Variants in DOCK1 observed in about 807,000 individuals in gnomAD.
The protein encoded by DOCK1 is dedicator of cytokinesis 1, also known as dedicator of cytokinesis protein 1.
A neutral mutation model predicts 262.7 loss-of-function variants in DOCK1; 138 were observed. The ratio of observed to expected loss-of-function variants is 0.53; its 90% CI spans 0.46 to 0.61. The LOEUF (loss-of-function observed/expected upper bound fraction) is 0.61. DOCK1 is among the 20% of genes least tolerant of loss of function. The probability of loss-of-function intolerance (pLI) is 0.00; values close to 1 mark genes in which losing one functional copy is unlikely to be tolerated. For missense variants in DOCK1, 1,908 were observed against 2,370.7 expected (o/e 0.80, Z 4.05); for synonymous variants, 866 against 867.4 (o/e 1.00, Z 0.03).
intron 18 of DOCK1, 49 bp downstream of exon 18, chr10:127,032,369 C>G (rs570112316): frequency 6.9e-7 from 1 of 1,454,128 alleles, no homozygotes; most frequent in African/African-American, 1.4e-5. Context: ...CTGCCCCAGT[C>G]CTGTCTTTTC....
At chr10:126,976,029 G>T (rs2038514129) in intron 2 of DOCK1, among the ~76,000 whole-genome samples, 1 of 152,170 alleles carries the variant, frequency 6.6e-6, no homozygotes. Context: ...ACATATTAAT[G>T]TTGAAAATGC....
chr10:127,372,695 T>C (rs2065270969), intron 33 of DOCK1, among the ~76,000 whole-genome samples: 1 of 152,162 alleles, frequency 6.6e-6, no homozygotes, highest in African/African-American at 2.4e-5. Context: ...GGCTTGAGAA[T>C]TGTTGCCTGA....
At position 127,446,078 on chromosome 10, in the gene DOCK1, C is replaced by T. The variant is rs1235738518; in HGVS notation, c.5414-1316C>T. ...CCAGCCAGTCAACATGGTAAAACCCCGTCTCTACTAAAAATACAATAATTA... is the reference window on the plus strand; with the variant it reads ...CCAGCCAGTCAACATGGTAAAACCCTGTCTCTACTAAAAATACAATAATTA... On this transcript the variant is annotated intron_variant, in intron 50 of 51. Transcript: ENST00000623213. The surrounding 1 kb of genome is among the most constrained non-coding windows in gnomAD (Gnocchi z 4.4). Among the ~76,000 whole-genome samples the T allele has an allele frequency of 2.0e-5, 3 of 152,048 alleles. No individual in the cohort carries two copies. Among genetic ancestry groups the T allele is most frequent in the African/African-American group, 4.8e-5 (2 of 41,406 alleles).
intron 30 of DOCK1, among the ~76,000 whole-genome samples, chr10:127,341,854 G>A (rs1225326084): frequency 1.3e-5 from 2 of 152,184 alleles, no homozygotes. Context: ...ATCGCTGCCT[G>A]CTGTCGGCTG....
At position 127,194,338 on chromosome 10, in the gene DOCK1, G is replaced by C. The variant is rs2056951620; in HGVS notation, c.2848-53670G>C. Among the ~76,000 whole-genome samples the C allele has an allele frequency of 1.3e-5, 2 of 152,316 alleles. 1 individual carries two copies. The highest frequency in any genetic ancestry group is 1.3e-4 in the Admixed American group (2 of 15,288). On this transcript the variant is annotated intron_variant, in intron 27 of 51. Transcript: ENST00000623213. ...ATGGATAGTAAATGATTAATATCTG[G>C]TGAGGCATGCAGATGGCAGGACTTC...
At chr10:127,005,660 T>C (rs2040960071) in intron 10 of DOCK1, among the ~76,000 whole-genome samples, 2 of 152,320 alleles carry the variant, frequency 1.3e-5, no homozygotes, top group South Asian at 4.1e-4. Context: ...GGAAATTTTA[T>C]GGAAAAGTGT....
intron 1 of DOCK1, among the ~76,000 whole-genome samples, chr10:126,957,379 A>G (rs2036830789): frequency 6.6e-6 from 1 of 152,186 alleles, no homozygotes; most frequent in Non-Finnish European, 1.5e-5. Flanking sequence ...AACTTCTCCA[A>G]AAGTGCAAAC....
At position 127,061,711 on chromosome 10, in the gene DOCK1, C is replaced by A; in HGVS notation, c.2380C>A (p.Leu794Met). 6.2e-7 allele frequency: 1 copy of A among 1,600,156 alleles called. No homozygotes were observed. Reference protein sequence around the residue: ...KGEADFVESLLQLFRSINDMM... With the variant: ...KGEADFVESLMQLFRSINDMM... ...AGAGGCTGACTTCGTGGAATCTTTGCTGCAGCTCTTCAGGTCCATCAATGA... is the reference window on the plus strand; with the variant it reads ...AGAGGCTGACTTCGTGGAATCTTTGATGCAGCTCTTCAGGTCCATCAATGA... The change falls in exon 23 of 52, where the codon CTG becomes ATG. Residue 794 changes from leucine to methionine, a missense_variant. Physicochemically the swap from Leu to Met is conservative, Grantham distance 15 (BLOSUM62 2). Transcript: ENST00000623213.
intron 43 of DOCK1, 49 bp downstream of exon 43, chr10:127,410,973 G>C: frequency 6.4e-7 from 1 of 1,570,234 alleles, no homozygotes. Context: ...ATATCATTCC[G>C]CCACCAGTAG....
chr10:127,274,277 C>G (rs2060667519), intron 29 of DOCK1, among the ~76,000 whole-genome samples: 1 of 152,114 alleles, frequency 6.6e-6, no homozygotes, highest in South Asian at 2.1e-4. Context: ...GAGAAAGAGA[C>G]TTTTGGGTGA....
chr10:127,389,212 GA>G (rs1200091777), intron 38 of DOCK1, among the ~76,000 whole-genome samples: 1 of 152,208 alleles, frequency 6.6e-6, no homozygotes, highest in Non-Finnish European at 1.5e-5. Context: ...GCACACAGTA[GA>G]AGCTCGAAGT....
chr10:127,362,157 C>A lies in DOCK1; in HGVS notation c.3377C>A (p.Pro1126His). 1.2e-6 allele frequency: 2 copies of A among 1,613,922 alleles called. No individual in the cohort carries two copies. Among genetic ancestry groups the A allele is most frequent in the Non-Finnish European group, 1.7e-6 (2 of 1,179,878 alleles). The change falls in exon 33 of 52, where the codon CCC becomes CAC. Residue 1126 changes from proline (P) to histidine (H), a missense_variant. By Grantham distance (77) the Pro-to-His change is moderately conservative. This residue lies in a region of DOCK1 where 518 missense variants were observed against 575.1 expected (regional missense o/e 0.90). Coordinates refer to ENST00000623213, the MANE Select transcript of DOCK1 (RefSeq NM_001290223.2). ...ACGGAGCTGCGCAAAGCCACCATCC[C>A]CATCTTCTTTGATATGATGCAGTGT... ...PETELRKATIPIFFDMMQCEF... is the reference protein window; with the variant it reads ...PETELRKATIHIFFDMMQCEF...
chr10:127,038,006 G>C (rs1052985056), intron 19 of DOCK1, among the ~76,000 whole-genome samples, 190 bp downstream of exon 19: 1 of 152,024 alleles, frequency 6.6e-6, no homozygotes, highest in Non-Finnish European at 1.5e-5. Flanking sequence ...GGCCGAGGTG[G>C]GTGGATCACC....
chr10:127,217,882 G>T (rs2058279594), intron 27 of DOCK1, among the ~76,000 whole-genome samples: 1 of 152,052 alleles, frequency 6.6e-6, no homozygotes, highest in Non-Finnish European at 1.5e-5. Flanking sequence ...GGAAGTTAAA[G>T]GGCCAGTTTT....
intron 27 of DOCK1, among the ~76,000 whole-genome samples, chr10:127,219,019 A>T (rs2058323776): frequency 6.6e-6 from 1 of 152,158 alleles, no homozygotes; most frequent in Admixed American, 6.5e-5. Flanking sequence ...CTCTTAAAGG[A>T]TGCACTTCTT....
intron 29 of DOCK1, among the ~76,000 whole-genome samples, chr10:127,300,844 G>A (rs976115868): frequency 1.3e-5 from 2 of 152,142 alleles, no homozygotes; most frequent in Non-Finnish European, 1.5e-5. Context: ...TGTTTCATCC[G>A]TTCCTCCTTG....
intron 29 of DOCK1, among the ~76,000 whole-genome samples, chr10:127,270,374 C>T (rs1164113921): frequency 1.3e-5 from 2 of 152,190 alleles, no homozygotes; most frequent in Non-Finnish European, 2.9e-5. Context: ...CTGTTCTATT[C>T]CATCCCATCC....
In DOCK1 at chr10:127,425,895, A is replaced by G. The variant is rs371341893; in HGVS notation, c.4798A>G (p.Ile1600Val). The G allele has an allele frequency of 2.5e-5, 40 of 1,614,026 alleles. No individual in the cohort carries two copies. The African/African-American group carries it at 3.7e-4, about 15-fold the overall frequency. Residue 1600 changes from isoleucine (I) to valine (V), a missense_variant, in exon 47 of 52, where the codon ATC becomes GTC. Ile to Val is a conservative substitution (Grantham distance 29). This residue lies in a region of DOCK1 where 383 missense variants were observed against 420.1 expected (regional missense o/e 0.91). Coordinates refer to ENST00000623213, the MANE Select transcript of DOCK1 (RefSeq NM_001290223.2). ...AWQIPFLAEG[I>V]RIHGDKVTEA... Reference sequence around the variant, plus strand: ...CCAGATTCCTTTTCTGGCCGAAGGGATCAGAATCCATGGAGACAAAGTCAC... The same window carrying G: ...CCAGATTCCTTTTCTGGCCGAAGGGGTCAGAATCCATGGAGACAAAGTCAC...
chr10:127,019,039 T>C (rs2042215954), intron 13 of DOCK1: 2 of 729,960 alleles, frequency 2.7e-6, no homozygotes, highest in Non-Finnish European at 2.1e-6. Context: ...CCTGTACCCC[T>C]GGATGGATCA....
Sources: allele counts gnomAD v4.1 joint callset (sites outside exome capture counted in the v4.1 genomes callset), GRCh38; gene constraint gnomAD v4.1.1; regional missense constraint gnomAD v4.1.1; non-coding constraint Gnocchi (gnomAD v3.1); transcripts MANE v1.5; gene names NCBI Gene and HGNC (gene_info 2026-07-23, HGNC 2026-07-21).